The following MYO16 variants were observed in gnomAD, a reference collection of about 807,000 sequenced individuals.
MYO16 encodes the protein unconventional myosin-XVI.
MYO16 carries 94 observed loss-of-function variants against 205.3 expected under a neutral mutation model. The observed-to-expected ratio is 0.46, with a 90% CI of 0.39 to 0.54. The LOEUF (loss-of-function observed/expected upper bound fraction) is 0.54. Among genes scored for constraint, MYO16 ranks in the 20% least tolerant of loss-of-function variants. The pLI, the probability that MYO16 is intolerant of heterozygous loss-of-function variation, is 0.00. For synonymous variants in MYO16, 988 were observed against 954.0 expected (o/e 1.04, Z -0.66); for missense variants, 2,315 against 2,387.5 (o/e 0.97, Z 0.63).
the MYO16 span, among the ~76,000 whole-genome samples, chr13:108,535,813 C>G: frequency 2.0e-5 from 3 of 152,108 alleles, no homozygotes; most frequent in Non-Finnish European, 4.4e-5. Context: ...TAACTATAGA[C>G]CCAGCTGCTT....
intron 27 of MYO16, among the ~76,000 whole-genome samples, chr13:109,082,791 A>G (rs1183121686): frequency 6.6e-6 from 1 of 151,454 alleles, no homozygotes; most frequent in Non-Finnish European, 1.5e-5. Context: ...CTCCATCTCA[A>G]AAAAGAAAAA....
At chr13:108,818,231 A>C (rs2139009935) in intron 7 of MYO16, among the ~76,000 whole-genome samples, 1 of 152,136 alleles carries the variant, frequency 6.6e-6, no homozygotes, top group African/African-American at 2.4e-5. Flanking sequence ...TAAAAATATA[A>C]AAATTATCTA....
In MYO16 at chr13:108,807,375, G is replaced by GA. The variant is rs564432944; in HGVS notation, c.867+579dup. Among the ~76,000 whole-genome samples, 26 of 151,714 alleles carry GA rather than the reference G, an allele frequency of 1.7e-4. 1 individual carries two copies. The South Asian group carries it at 4.2e-3, about 24-fold the overall frequency. ...AAGAGTTTGCATTTCACGTATTTTA[G>GA]AAAAAAAATCATATTGCGTGGGGAA... On this transcript the variant is annotated intron_variant, in intron 7 of 34. Coordinates refer to ENST00000457511, the MANE Select transcript of MYO16 (RefSeq NM_001198950.3).
chr13:108,941,676 C>CA (rs576929781), intron 16 of MYO16, among the ~76,000 whole-genome samples: 7,846 of 43,690 alleles, frequency 0.18, 561 homozygotes, highest in African/African-American at 0.26. Flanking sequence ...GACTCAGTCT[C>CA]AAAAAAAAAA....
intron 13 of MYO16, among the ~76,000 whole-genome samples, chr13:108,887,276 T>G (rs957206225): frequency 9.2e-5 from 14 of 152,218 alleles, no homozygotes; most frequent in African/African-American, 2.7e-4. Context: ...CATTAACGAC[T>G]CGACACTTTA....
chr13:109,022,873 GTATA>G (rs1408634126), intron 23 of MYO16, among the ~76,000 whole-genome samples: 2 of 132,778 alleles, frequency 1.5e-5, no homozygotes, highest in African/African-American at 2.8e-5. Flanking sequence ...ATATAAACAT[GTATA>G]TATTTATTAT....
At chr13:108,823,397 GT>G in intron 9 of MYO16, 119 bp downstream of exon 9, 5 of 853,134 alleles carry the variant, frequency 5.9e-6, no homozygotes, top group Non-Finnish European at 8.6e-6. Context: ...GTTTATCAAT[GT>G]ATATACCAAA....
chr13:108,586,749 T>C, the MYO16 span, among the ~76,000 whole-genome samples: 4 of 152,248 alleles, frequency 2.6e-5, no homozygotes, highest in African/African-American at 7.2e-5. Flanking sequence ...GGGATTCTTA[T>C]GCTGAATCTC....
intron 6 of MYO16, among the ~76,000 whole-genome samples, chr13:108,798,059 A>G (rs1886844835): frequency 7.8e-6 from 1 of 128,862 alleles, no homozygotes; most frequent in Non-Finnish European, 1.7e-5. Context: ...AACAATGAAC[A>G]AAAGGCTAGG....
chr13:109,037,435 A>G (rs1162626076), intron 23 of MYO16, among the ~76,000 whole-genome samples: 2 of 152,160 alleles, frequency 1.3e-5, no homozygotes, highest in African/African-American at 4.8e-5. Context: ...TAGAATGAGA[A>G]GCTTTTTATT....
At chr13:108,879,620 T>C (rs1036878387) in intron 12 of MYO16, among the ~76,000 whole-genome samples, 11 of 152,340 alleles carry the variant, frequency 7.2e-5, no homozygotes, top group Non-Finnish European at 5.9e-5. Flanking sequence ...TGTTTGGTTT[T>C]CTGTCCTTGC....
Position 108,739,754 on chromosome 13 carries a change from C to T in MYO16, c.507+12171C>T, listed in dbSNP as rs187028105. On this transcript the variant is annotated intron_variant, in intron 4 of 34. Coordinates refer to ENST00000457511, the MANE Select transcript of MYO16 (RefSeq NM_001198950.3). ...GTTTTCCAACTTGGTTCCATTCTCC[C>T]CATCACTTTCAGGTACACCAGTCAG... Among the ~76,000 whole-genome samples, 9 of 152,284 alleles carry T rather than the reference C, an allele frequency of 5.9e-5. No individual in the cohort carries two copies. The East Asian group carries it at 1.7e-3, about 29-fold the overall frequency.
chr13:109,183,492 C>T (rs763735375), intron 34 of MYO16, among the ~76,000 whole-genome samples: 6 of 152,192 alleles, frequency 3.9e-5, no homozygotes, highest in African/African-American at 7.2e-5. Flanking sequence ...GGGGTCCACA[C>T]TTGACATTGA....
chr13:108,719,983 T>A (rs1884098077), intron 3 of MYO16, among the ~76,000 whole-genome samples: 1 of 152,128 alleles, frequency 6.6e-6, no homozygotes, highest in South Asian at 2.1e-4. Context: ...GATAACAGGT[T>A]TTTAGGATTT....
intron 33 of MYO16, chr13:109,167,376 G>A (rs963125995): frequency 1.3e-5 from 1 of 74,314 alleles, no homozygotes; most frequent in African/African-American, 3.4e-5. Flanking sequence ...ATTGTGTTGA[G>A]GTTAAAAAAA....
chr13:109,153,968 C>G (rs900956347), intron 32 of MYO16, among the ~76,000 whole-genome samples: 51 of 152,134 alleles, frequency 3.4e-4, no homozygotes, highest in Non-Finnish European at 7.4e-5. Context: ...GGCACCTGCC[C>G]TGTGGCCCAT....
intron 23 of MYO16, among the ~76,000 whole-genome samples, chr13:109,037,611 TA>T: frequency 6.6e-6 from 1 of 151,886 alleles, no homozygotes; most frequent in African/African-American, 2.4e-5. Flanking sequence ...TAGTAAAAAC[TA>T]TGCAAAGGTA....
At chr13:108,648,210 A>T (rs4523811) in intron 1 of MYO16, among the ~76,000 whole-genome samples, 27,703 of 152,162 alleles carry the variant, frequency 0.18, 3,854 homozygotes, top group African/African-American at 0.38. Context: ...AACTTAACTT[A>T]CATGATCCAG....
chr13:108,725,120 C>T (rs185921788), intron 3 of MYO16, among the ~76,000 whole-genome samples: 26 of 152,132 alleles, frequency 1.7e-4, no homozygotes, highest in Non-Finnish European at 3.2e-4. Flanking sequence ...GTTCTCATCT[C>T]TGAAAGTTAA....
Sources: allele counts gnomAD v4.1 joint callset (sites outside exome capture counted in the v4.1 genomes callset), GRCh38; gene constraint gnomAD v4.1.1; transcripts MANE v1.5; gene names NCBI Gene and HGNC (gene_info 2026-07-23, HGNC 2026-07-21).